Variants in TIAM1 observed in about 807,000 individuals in gnomAD.
TIAM1 encodes TIAM Rac1 associated GEF 1, also known as rho guanine nucleotide exchange factor TIAM1.
TIAM1 carries 65 observed loss-of-function variants against 163.5 expected under a neutral mutation model. The observed-to-expected ratio is 0.40, with a 90% CI of 0.33 to 0.49. The LOEUF (loss-of-function observed/expected upper bound fraction) is 0.49, where lower values mean the gene tolerates loss of function less well. Ranked by LOEUF, TIAM1 falls within the 20% of genes least tolerant of loss-of-function variation. The pLI is 0.77. For synonymous variants in TIAM1, 833 were observed against 810.1 expected, an observed-to-expected ratio of 1.03 and a Z score of -0.48; for missense variants, 1,789 against 2,044.7, an observed-to-expected ratio of 0.87 and a Z score of 2.41.
chr21:31,396,500 G>A (rs913150855), intron 2 of TIAM1, among the ~76,000 whole-genome samples: 26 of 151,540 alleles, frequency 1.7e-4, no homozygotes, highest in South Asian at 8.3e-4. Context: ...TGTAGCTCCC[G>A]AAACACTGTC....
intron 15 of TIAM1, among the ~76,000 whole-genome samples, chr21:31,177,600 C>G (rs2084821253): frequency 6.6e-6 from 1 of 152,122 alleles, no homozygotes; most frequent in Admixed American, 6.5e-5. Flanking sequence ...GAGTGAGACT[C>G]TGTCCCCCCC....
At chr21:31,168,888 A>G (rs951485086) in intron 15 of TIAM1, among the ~76,000 whole-genome samples, 1 of 152,254 alleles carries the variant, frequency 6.6e-6, no homozygotes, top group African/African-American at 2.4e-5. Flanking sequence ...ACACATCACT[A>G]TGAGCAAGAG....
chr21:31,118,480 C>T lies in TIAM1; in HGVS notation c.*1888G>A. 2.3e-6 allele frequency: 1 copy of T among 435,100 alleles called. No individual in the cohort carries two copies. Among genetic ancestry groups the T allele is most frequent in the South Asian group, 1.7e-5 (1 of 57,752 alleles). The allele number at this position is 435,100 out of a possible 1,614,324, so 27.0% of individuals were successfully genotyped here. A position where few individuals can be genotyped will look rare whatever the true frequency, so the allele number is the denominator to read the frequency against. On this transcript the variant is annotated 3_prime_UTR_variant, in exon 28 of 28. Coordinates refer to ENST00000541036, the MANE Select transcript of TIAM1 (RefSeq NM_001353694.2). ...AACGTTCCATTCATAGACCTAAAAA[C>T]ATAAAAATAGACCTTCTTTCAGCTT...
At chr21:31,257,569 G>A (rs2072188102) in intron 4 of TIAM1, among the ~76,000 whole-genome samples, 1 of 151,762 alleles carries the variant, frequency 6.6e-6, no homozygotes. Flanking sequence ...CCCTCCGAGT[G>A]CCACATCACT....
At chr21:31,538,876 C>A (rs2048225768) in intron 1 of TIAM1, among the ~76,000 whole-genome samples, 1 of 152,154 alleles carries the variant, frequency 6.6e-6, no homozygotes, top group Non-Finnish European at 1.5e-5. Context: ...GGAGGAGGGG[C>A]AGCCTGCACG....
intron 1 of TIAM1, among the ~76,000 whole-genome samples, chr21:31,485,865 G>A (rs1395828631): frequency 6.6e-6 from 1 of 152,150 alleles, no homozygotes; most frequent in Non-Finnish European, 1.5e-5. Flanking sequence ...TGCAGATGAG[G>A]AAACCCAGGC....
At chr21:31,412,738 C>T (rs375430988) in intron 2 of TIAM1, among the ~76,000 whole-genome samples, 102 of 146,572 alleles carry the variant, frequency 7.0e-4, no homozygotes, top group Admixed American at 2.2e-3. Context: ...GCTGGGATCA[C>T]GCCACTGCAC....
chr21:31,417,629 C>A (rs2043418153), intron 2 of TIAM1, among the ~76,000 whole-genome samples: 1 of 152,120 alleles, frequency 6.6e-6, no homozygotes, highest in Non-Finnish European at 1.5e-5. Flanking sequence ...GGGGACACAG[C>A]CAAACTATAT....
intron 14 of TIAM1, 50 bp downstream of exon 14, chr21:31,186,950 GC>G: frequency 6.8e-7 from 1 of 1,472,372 alleles, no homozygotes; most frequent in Non-Finnish European, 9.5e-7. Context: ...AACTAGAGAA[GC>G]CCCAAAGGGC....
intron 15 of TIAM1, among the ~76,000 whole-genome samples, chr21:31,173,853 C>T (rs1298202320): frequency 6.6e-6 from 1 of 152,182 alleles, no homozygotes; most frequent in African/African-American, 2.4e-5. Context: ...GCATCTCAGT[C>T]TCCGAAACAT....
At chr21:31,155,671 T>C (rs556189888) in intron 16 of TIAM1, among the ~76,000 whole-genome samples, 3 of 151,820 alleles carry the variant, frequency 2.0e-5, no homozygotes, top group African/African-American at 7.3e-5. Flanking sequence ...CGCCCGGCTA[T>C]TTTTTTGTAT....
rs1291268478 is a variant in TIAM1 at position 31,300,285 on chromosome 21, G to A, written c.-188-23377C>T. Among the ~76,000 whole-genome samples the A allele has an allele frequency of 2.0e-5, 3 of 152,068 alleles. No individual in the cohort carries two copies. In the East Asian group the frequency reaches 5.8e-4, roughly 29 times the overall value. On this transcript the variant is annotated intron_variant, in intron 2 of 27. Transcript: ENST00000541036. ...CAGCATCATGCTTCCTGTACAGAAC[G>A]GTGAGCCAATTAAACCTCTTTTCTT... is the stretch of plus-strand genomic sequence containing the variant.
chr21:31,272,776 T>C (rs2073119737), intron 3 of TIAM1, among the ~76,000 whole-genome samples: 1 of 152,228 alleles, frequency 6.6e-6, no homozygotes, highest in Admixed American at 6.5e-5. Flanking sequence ...GAAAAGCATC[T>C]AGAATATTCT....
intron 2 of TIAM1, among the ~76,000 whole-genome samples, chr21:31,357,329 C>T (rs1208916105): frequency 6.6e-6 from 1 of 152,186 alleles, no homozygotes; most frequent in African/African-American, 2.4e-5. Flanking sequence ...CAATTTCTTC[C>T]CATCTGATGA....
chr21:31,201,760 C>T (rs934416080), intron 12 of TIAM1, among the ~76,000 whole-genome samples: 1 of 152,146 alleles, frequency 6.6e-6, no homozygotes, highest in Non-Finnish European at 1.5e-5. Context: ...CCATGGCAAG[C>T]AGTCAGAGCC....
At chr21:31,366,055 C>T (rs1175591520) in intron 2 of TIAM1, among the ~76,000 whole-genome samples, 1 of 141,566 alleles carries the variant, frequency 7.1e-6, no homozygotes, top group Non-Finnish European at 1.5e-5. Flanking sequence ...CCACTGCACT[C>T]CAGCCTGGAG....
At chr21:31,480,059 C>T (rs182525323) in intron 1 of TIAM1, among the ~76,000 whole-genome samples, 19 of 152,328 alleles carry the variant, frequency 1.2e-4, no homozygotes, top group Non-Finnish European at 2.5e-4. Context: ...GCTCTTGGTG[C>T]TTAACGCCCA....
chr21:31,128,965 AAC>A (rs999048118), intron 25 of TIAM1, among the ~76,000 whole-genome samples: 1 of 84,796 alleles, frequency 1.2e-5, no homozygotes, highest in Non-Finnish European at 2.1e-5. Flanking sequence ...GACAAGTGGA[AAC>A]AAGGAGGCTA....
Position 31,119,124 on chromosome 21 carries a change from T to A in TIAM1, c.*1244A>T, listed in dbSNP as rs1422879435. On this transcript the variant is annotated 3_prime_UTR_variant, in exon 28 of 28. Coordinates refer to ENST00000541036, the MANE Select transcript of TIAM1 (RefSeq NM_001353694.2). The stretch of plus-strand genomic sequence containing the variant: ...CCTTTTTTTAAAAAAAAAAAAAAAA[T>A]TGAAAGTGCTATAACTTGTTTTTCT... 3 of 150,790 alleles carry A rather than the reference T, an allele frequency of 2.0e-5. No homozygotes were observed. The highest frequency in any genetic ancestry group is 4.4e-5 in the Non-Finnish European group (3 of 68,164). 9.3% of individuals were successfully genotyped at this position (150,790 alleles called of 1,614,324 possible). A position where few individuals can be genotyped will look rare whatever the true frequency, so the allele number is the denominator to read the frequency against.
Sources: gnomAD v4.1 joint callset for allele counts (sites outside exome capture counted in the v4.1 genomes callset) on GRCh38, gnomAD v4.1.1 for gene constraint, MANE v1.5 for transcripts, NCBI Gene and HGNC (gene_info 2026-07-23, HGNC 2026-07-21) for gene names.